Variants in KCNJ3 observed in about 807,000 individuals in gnomAD.
KCNJ3 encodes G protein-activated inward rectifier potassium channel 1.
A neutral mutation model predicts 39.2 loss-of-function variants in KCNJ3; 4 were observed. That is an observed-to-expected ratio of 0.10 (90% CI 0.05 to 0.23). The LOEUF (loss-of-function observed/expected upper bound fraction) is 0.23. Among genes scored for constraint, KCNJ3 ranks in the 10% least tolerant of loss-of-function variants. The pLI is 1.00. For synonymous variants in KCNJ3, 230 were observed against 237.4 expected, an observed-to-expected ratio of 0.97 and a Z score of 0.29; for missense variants, 276 against 634.9, an observed-to-expected ratio of 0.43 and a Z score of 6.08.
intron 2 of KCNJ3, among the ~76,000 whole-genome samples, chr2:154,724,917 G>GTATATATATATATATATATATATATATA (rs59124944): frequency 4.3e-5 from 5 of 116,314 alleles, no homozygotes; most frequent in African/African-American, 1.8e-4. Context: ...TACATATGAG[G>GTATATATATATATATATATATATATATA]TATATATATA....
chr2:154,853,694 TTTTAA>T (rs1260028791), intron 2 of KCNJ3, among the ~76,000 whole-genome samples: 2 of 152,124 alleles, frequency 1.3e-5, no homozygotes, highest in Non-Finnish European at 2.9e-5. Flanking sequence ...TGATATATGG[TTTTAA>T]TTTATTCCTG....
At chr2:154,779,036 A>T (rs557703549) in intron 2 of KCNJ3, among the ~76,000 whole-genome samples, 55 of 152,112 alleles carry the variant, frequency 3.6e-4, no homozygotes, top group Admixed American at 1.2e-3. Flanking sequence ...GTGCTTGGCA[A>T]ATGGTCAGTA....
At chr2:154,756,176 A>G (rs1685933580) in intron 2 of KCNJ3, among the ~76,000 whole-genome samples, 1 of 152,132 alleles carries the variant, frequency 6.6e-6, no homozygotes, top group Admixed American at 6.5e-5. Context: ...TGAATAAACT[A>G]CAGAACTTGA....
chr2:154,817,554 G>C (rs951756560), intron 2 of KCNJ3, among the ~76,000 whole-genome samples: 4 of 152,074 alleles, frequency 2.6e-5, no homozygotes, highest in Non-Finnish European at 5.9e-5. Flanking sequence ...AGAATTTTAG[G>C]ATTATGGAAA....
chr2:154,758,259 C>CTTG (rs10688672), intron 2 of KCNJ3, among the ~76,000 whole-genome samples: 76,409 of 151,378 alleles, frequency 0.5, 19,424 homozygotes, highest in African/African-American at 0.53. Flanking sequence ...AGAATTTATA[C>CTTG]TTGTTGATTT....
At position 154,709,720 on chromosome 2, in the gene KCNJ3, A is replaced by G; in HGVS notation, c.820A>G (p.Ile274Val). ...LVSPLTICHV[I>V]DAKSPFYDLS... ...GTCCCCCCTCACAATTTGCCACGTG[A>G]TCGATGCCAAAAGCCCCTTTTATGA... Residue 274 changes from isoleucine (I) to valine (V), a missense_variant, in exon 2 of 3, where the codon ATC becomes GTC. Ile to Val is a conservative substitution (Grantham distance 29). Transcript: ENST00000295101. 6.2e-7 allele frequency: 1 copy of G among 1,613,972 alleles called. No homozygotes were observed. The highest frequency in any genetic ancestry group is 8.5e-7 in the Non-Finnish European group (1 of 1,179,922).
intron 2 of KCNJ3, among the ~76,000 whole-genome samples, chr2:154,816,189 AC>A (rs1687081201): frequency 6.6e-6 from 1 of 152,210 alleles, no homozygotes; most frequent in Non-Finnish European, 1.5e-5. Context: ...ACATGATCAA[AC>A]AGTTAAAAAA....
At chr2:154,826,292 T>C (rs1320523154) in intron 2 of KCNJ3, among the ~76,000 whole-genome samples, 1 of 152,022 alleles carries the variant, frequency 6.6e-6, no homozygotes, top group Non-Finnish European at 1.5e-5. Context: ...TTATAAAGAG[T>C]GGTTCAGAAT....
chr2:154,732,143 C>T (rs1209373342), intron 2 of KCNJ3, among the ~76,000 whole-genome samples: 2 of 152,058 alleles, frequency 1.3e-5, no homozygotes, highest in Non-Finnish European at 2.9e-5. Flanking sequence ...TTAAAAAGTA[C>T]TGGAAATACA....
intron 2 of KCNJ3, among the ~76,000 whole-genome samples, chr2:154,754,051 T>C (rs1192255197): frequency 6.6e-6 from 1 of 152,132 alleles, no homozygotes; most frequent in South Asian, 2.1e-4. Context: ...TTTAATAACC[T>C]TTTTACTTTA....
At position 154,854,748 on chromosome 2, in the gene KCNJ3, C is replaced by A; in HGVS notation, c.941C>A (p.Thr314Lys). The A allele has an allele frequency of 6.2e-7, 1 of 1,609,484 alleles. No homozygotes were observed. The highest frequency in any genetic ancestry group is 8.5e-7 in the Non-Finnish European group (1 of 1,176,866). The change falls in exon 3 of 3, where the codon ACA (threonine) becomes AAA (lysine). Residue 314 changes from threonine (T) to lysine (K), a missense_variant. Transcript: ENST00000295101. ...ETTGMTCQAR[T>K]SYTEDEVLWG... The stretch of plus-strand genomic sequence containing the variant: ...GTAGGGATGACTTGTCAAGCTCGAA[C>A]ATCATATACTGAAGATGAAGTTCTT...
intron 1 of KCNJ3, among the ~76,000 whole-genome samples, chr2:154,700,295 C>A (rs933369023): frequency 6.6e-6 from 1 of 152,172 alleles, no homozygotes; most frequent in Non-Finnish European, 1.5e-5. Context: ...AATGCTAAAA[C>A]AAATTGCACA....
chr2:154,807,894 A>G (rs986503408), intron 2 of KCNJ3, among the ~76,000 whole-genome samples: 1 of 151,572 alleles, frequency 6.6e-6, no homozygotes, highest in Non-Finnish European at 1.5e-5. Flanking sequence ...GTCTCTCCCC[A>G]CTCTATCCCT....
chr2:154,780,462 G>T (rs1291207666), intron 2 of KCNJ3, among the ~76,000 whole-genome samples: 3 of 152,180 alleles, frequency 2.0e-5, no homozygotes, highest in African/African-American at 7.2e-5. Context: ...TTATCAGTGT[G>T]AAGGGTGTTA....
intron 2 of KCNJ3, among the ~76,000 whole-genome samples, chr2:154,797,851 C>T (rs1686747869): frequency 6.6e-6 from 1 of 151,970 alleles, no homozygotes; most frequent in Non-Finnish European, 1.5e-5. Context: ...CATAAAAGTA[C>T]TTAACATGAG....
intron 2 of KCNJ3, among the ~76,000 whole-genome samples, chr2:154,836,042 C>T (rs894808134): frequency 6.6e-6 from 1 of 151,792 alleles, no homozygotes; most frequent in Non-Finnish European, 1.5e-5. Context: ...GAAACCCTGT[C>T]TTACTAAAAA....
At chr2:154,735,452 A>C (rs1257320002) in intron 2 of KCNJ3, among the ~76,000 whole-genome samples, 2 of 151,420 alleles carry the variant, frequency 1.3e-5, no homozygotes, top group African/African-American at 2.4e-5. Context: ...GTTAATGTAA[A>C]CCTCCTGAGA....
chr2:154,834,444 CAGTT>C (rs1189783603), intron 2 of KCNJ3, among the ~76,000 whole-genome samples: 2 of 152,024 alleles, frequency 1.3e-5, no homozygotes, highest in South Asian at 4.1e-4. Flanking sequence ...GAAAATAAAT[CAGTT>C]AGGCCGGGCA....
intron 2 of KCNJ3, among the ~76,000 whole-genome samples, chr2:154,767,648 C>T (rs1404890757): frequency 3.3e-5 from 5 of 152,130 alleles, no homozygotes; most frequent in East Asian, 1.9e-4. Context: ...AATAAACATA[C>T]GTGTGCATGT....
Sources: allele counts gnomAD v4.1 joint callset (sites outside exome capture counted in the v4.1 genomes callset), GRCh38; gene constraint gnomAD v4.1.1; transcripts MANE v1.5; gene names NCBI Gene and HGNC (gene_info 2026-07-23, HGNC 2026-07-21).